Variants in LMO7 observed in about 807,000 individuals in gnomAD.
LMO7 encodes the protein LIM domain 7.
A neutral mutation model predicts 206.5 loss-of-function variants in LMO7; 120 were observed. The ratio of observed to expected loss-of-function variants is 0.58; its 90% CI spans 0.50 to 0.68. LMO7 has a LOEUF of 0.68. Ranked by LOEUF, LMO7 falls within the 30% of genes least tolerant of loss-of-function variation. The pLI is 0.00. For missense variants in LMO7, 1,959 were observed against 1,957.9 expected, an observed-to-expected ratio of 1.00 and a Z score of -0.01; for synonymous variants, 706 against 681.5, an observed-to-expected ratio of 1.04 and a Z score of -0.56.
intron 4 of LMO7, among the ~76,000 whole-genome samples, chr13:75,779,122 A>G (rs1319814981): frequency 6.6e-6 from 1 of 152,162 alleles, no homozygotes. Flanking sequence ...ACCCAAGTGC[A>G]TGCATCATTA....
At chr13:75,755,698 T>C (rs1176187192) in intron 3 of LMO7, among the ~76,000 whole-genome samples, 1 of 152,220 alleles carries the variant, frequency 6.6e-6, no homozygotes, top group African/African-American at 2.4e-5. Flanking sequence ...TCTAAATTTT[T>C]GACTGGTCTG....
chr13:75,840,606 A>T (rs1396895189), intron 22 of LMO7, 111 bp downstream of exon 22: 1 of 1,289,300 alleles, frequency 7.8e-7, no homozygotes, highest in East Asian at 2.5e-5. Flanking sequence ...TCTCACAACT[A>T]ACAAATATTT....
chr13:75,690,443 G>T (rs1005687444), intron 1 of LMO7, among the ~76,000 whole-genome samples: 3 of 152,152 alleles, frequency 2.0e-5, no homozygotes, highest in Admixed American at 6.5e-5. Context: ...TCCAGGGCAT[G>T]CTGTGATAAA....
At chr13:75,687,529 C>T (rs1485691903) in intron 1 of LMO7, among the ~76,000 whole-genome samples, 4 of 151,896 alleles carry the variant, frequency 2.6e-5, no homozygotes, top group African/African-American at 9.7e-5. Flanking sequence ...CATTTTTTTT[C>T]ACTCAAACTT....
At chr13:75,781,668 G>C (rs1218722989) in intron 4 of LMO7, among the ~76,000 whole-genome samples, 1 of 150,148 alleles carries the variant, frequency 6.7e-6, no homozygotes, top group Non-Finnish European at 1.5e-5. Context: ...GGGTCAAATG[G>C]TATTTCTAGT....
At chr13:75,786,082 C>T (rs2052374018) in intron 4 of LMO7, among the ~76,000 whole-genome samples, 2 of 152,058 alleles carry the variant, frequency 1.3e-5, no homozygotes, top group Admixed American at 1.3e-4. Flanking sequence ...AGAAGATGAC[C>T]CACTAGTTCA....
intron 1 of LMO7, among the ~76,000 whole-genome samples, chr13:75,670,649 T>C (rs1402195254): frequency 6.6e-6 from 1 of 152,222 alleles, no homozygotes; most frequent in African/African-American, 2.4e-5. Flanking sequence ...GCACTCACCA[T>C]GAATGGAGCT....
intron 2 of LMO7, among the ~76,000 whole-genome samples, chr13:75,720,862 C>A (rs747928935): frequency 1.3e-5 from 2 of 152,122 alleles, no homozygotes; most frequent in Non-Finnish European, 2.9e-5. Context: ...TAGAAATTAA[C>A]ATCAATTTTA....
intron 1 of LMO7, among the ~76,000 whole-genome samples, chr13:75,676,105 C>T: frequency 6.6e-6 from 1 of 152,136 alleles, no homozygotes; most frequent in Non-Finnish European, 1.5e-5. Flanking sequence ...AGCATCCTGC[C>T]TGGAGCGTAG....
intron 4 of LMO7, among the ~76,000 whole-genome samples, chr13:75,787,155 C>T (rs989271409): frequency 6.6e-6 from 1 of 152,206 alleles, no homozygotes; most frequent in Non-Finnish European, 1.5e-5. Context: ...ACAGATCATA[C>T]ATAGTGGATA....
intron 1 of LMO7, among the ~76,000 whole-genome samples, chr13:75,701,164 TGTA>T (rs1485071485): frequency 2.6e-5 from 1 of 39,034 alleles, no homozygotes; most frequent in East Asian, 1.2e-3. Flanking sequence ...AAGGTTGACA[TGTA>T]GTGACCTTTT....
Position 75,855,342 on chromosome 13 carries a change from C to T in LMO7, c.4744C>T (p.Leu1582Phe). The T allele has an allele frequency of 6.2e-7, 1 of 1,612,948 alleles. No individual in the cohort carries two copies. The highest frequency in any genetic ancestry group is 1.3e-5 in the African/African-American group (1 of 75,000). The change falls in exon 29 of 31, where the codon CTT becomes TTT. Residue 1582 changes from leucine to phenylalanine, a missense_variant. Coordinates refer to ENST00000377534, the MANE Select transcript of LMO7 (RefSeq NM_001306080.2). Reference sequence around the variant, plus strand: ...CGCCATGATCATCGAGTCCCTGGGTCTTTGTTATCATTTGCATTGTTTTAA... The same window carrying T: ...CGCCATGATCATCGAGTCCCTGGGTTTTTGTTATCATTTGCATTGTTTTAA... ...GAAMIIESLGLCYHLHCFKCV... is the reference protein window; with the variant it reads ...GAAMIIESLGFCYHLHCFKCV...
chr13:75,706,432 T>C (rs999357381), intron 1 of LMO7, among the ~76,000 whole-genome samples: 1 of 152,196 alleles, frequency 6.6e-6, no homozygotes, highest in Non-Finnish European at 1.5e-5. Context: ...AAAAATCAGA[T>C]TTTTCGAGTT....
intron 1 of LMO7, among the ~76,000 whole-genome samples, chr13:75,644,294 AG>A (rs1252557355): frequency 6.6e-6 from 1 of 152,160 alleles, no homozygotes; most frequent in Non-Finnish European, 1.5e-5. Flanking sequence ...GAGGGAAAAG[AG>A]GGGTGAGAGG....
chr13:75,655,645 ATATATATATATATATAT>A (rs2037995508), intron 1 of LMO7, among the ~76,000 whole-genome samples: 1 of 950 alleles, frequency 1.1e-3, no homozygotes. Flanking sequence ...TTTTATATAT[ATATATATATATATATAT>A]ATATATATAT....
chr13:75,822,200 T>C (rs866104419), intron 14 of LMO7, among the ~76,000 whole-genome samples: 6 of 152,314 alleles, frequency 3.9e-5, no homozygotes, highest in Middle Eastern at 6.8e-3. Flanking sequence ...ATCTGAATTA[T>C]GTGAAAGGAA....
intron 12 of LMO7, among the ~76,000 whole-genome samples, chr13:75,818,543 T>TGG (rs145312152): frequency 6.6e-5 from 10 of 152,164 alleles, no homozygotes; most frequent in South Asian, 2.1e-4. Flanking sequence ...CCTAGGTTTC[T>TGG]GGGGGGGATT....
chr13:75,827,793 C>T (rs1290198670), intron 15 of LMO7, among the ~76,000 whole-genome samples: 1 of 152,190 alleles, frequency 6.6e-6, no homozygotes, highest in Non-Finnish European at 1.5e-5. Context: ...ACCTCTGCTC[C>T]AGATTTTTTA....
In LMO7 at chr13:75,805,685, C is replaced by T. The variant is rs764191619; in HGVS notation, c.1121C>T (p.Thr374Ile). 6.2e-7 allele frequency: 1 copy of T among 1,613,920 alleles called. No homozygotes were observed. The highest frequency in any genetic ancestry group is 8.5e-7 in the Non-Finnish European group (1 of 1,179,848). Residue 374 changes from threonine to isoleucine, a missense_variant, in exon 9 of 31, where the codon ACC (threonine) becomes ATC (isoleucine). Physicochemically the swap from Thr to Ile is moderately conservative, Grantham distance 89. Coordinates refer to ENST00000377534, the MANE Select transcript of LMO7 (RefSeq NM_001306080.2). The stretch of plus-strand genomic sequence containing the variant: ...GATCAGTTTCTTCCCAAATGTTGGA[C>T]CCCAGAAGATGTGAACTGGAAAAGA... ...AFDQFLPKCW[T>I]PEDVNWKRIK...
Sources: allele counts gnomAD v4.1 joint callset (sites outside exome capture counted in the v4.1 genomes callset), GRCh38; gene constraint gnomAD v4.1.1; transcripts MANE v1.5; gene names NCBI Gene and HGNC (gene_info 2026-07-23, HGNC 2026-07-21).